Variants in CHD1L observed in about 807,000 individuals in gnomAD.
CHD1L encodes chromodomain helicase DNA binding protein 1 like.
CHD1L carries 118 observed loss-of-function variants against 115.9 expected under a neutral mutation model. The ratio of observed to expected loss-of-function variants is 1.02; its 90% confidence interval spans 0.88 to 1.19. The LOEUF is 1.19. CHD1L is among the 50% of genes most tolerant of loss of function. The probability of loss-of-function intolerance (pLI) is 0.00; values close to 1 mark genes in which losing one functional copy is unlikely to be tolerated. For synonymous variants in CHD1L, 411 were observed against 387.1 expected (o/e 1.06, Z -0.72); for missense variants, 1,179 against 1,065.3 (o/e 1.11, Z -1.49).
At chr1:147,268,124 C>T (rs1674673835) in intron 9 of CHD1L, among the ~76,000 whole-genome samples, 1 of 152,312 alleles carries the variant, frequency 6.6e-6, no homozygotes, top group African/African-American at 2.4e-5. Flanking sequence ...CCATCTGCTC[C>T]TTCTCAGTCT....
chr1:147,213,616 T>A, the CHD1L span: 13 of 647,088 alleles, frequency 2.0e-5, no homozygotes, highest in Non-Finnish European at 2.9e-5. Context: ...AAATAAGAAC[T>A]GTTTGGGGCT....
chr1:147,279,641 T>G (rs1251564767), intron 14 of CHD1L, among the ~76,000 whole-genome samples: 1 of 151,982 alleles, frequency 6.6e-6, no homozygotes, highest in Non-Finnish European at 1.5e-5. Context: ...AGTGGAGAGG[T>G]TGGAAAGTAG....
At chr1:147,212,702 T>A in the CHD1L span, among the ~76,000 whole-genome samples, 2 of 152,188 alleles carry the variant, frequency 1.3e-5, no homozygotes, top group Admixed American at 1.3e-4. Flanking sequence ...TATTTTCTTT[T>A]CCCATAGCCT....
the CHD1L span, chr1:147,173,500 C>G: frequency 1.3e-5 from 2 of 152,222 alleles, no homozygotes; most frequent in Non-Finnish European, 2.9e-5. Flanking sequence ...TGAGAAACCT[C>G]AGAAGAAATA....
At chr1:147,241,874 A>G (rs1664933825), upstream of CHD1L, among the ~76,000 whole-genome samples, 2 of 152,240 alleles carry the variant, frequency 1.3e-5, no homozygotes, top group Admixed American at 1.3e-4. Context: ...AATTACCATT[A>G]CAAGTCCCAA....
At chr1:147,281,418 A>G (rs3753433) in intron 15 of CHD1L, among the ~76,000 whole-genome samples, 103,177 of 151,950 alleles carry the variant, frequency 0.68, 35,115 homozygotes, top group African/African-American at 0.7. Context: ...GAAGTGTGTA[A>G]TATTTTCTGA....
chr1:147,281,843 A>G lies in CHD1L; in HGVS notation c.1705+1652A>G, dbSNP rs76338287. Among the ~76,000 whole-genome samples the G allele has an allele frequency of 5.9e-3, 902 of 152,162 alleles. 10 individuals carry two copies. The highest frequency in any genetic ancestry group is 0.021 in the African/African-American group (863 of 41,530). ...TATTGAAATTGGCAGATAAAATTGT[A>G]TTTATCATGTACAACATGATTTCTT... On this transcript the variant is annotated intron_variant, in intron 15 of 22. Transcript: ENST00000369258.
At chr1:147,203,239 T>C in the CHD1L span, 6 of 1,121,810 alleles carry the variant, frequency 5.3e-6, no homozygotes, top group African/African-American at 6.2e-5. Flanking sequence ...CTACTACAAA[T>C]ACAGCCTTCA....
At chr1:147,194,441 T>A in the CHD1L span, among the ~76,000 whole-genome samples, 2 of 152,290 alleles carry the variant, frequency 1.3e-5, no homozygotes, top group African/African-American at 2.4e-5. Context: ...AGCACACTGT[T>A]GGGTCTTGAC....
the CHD1L span, among the ~76,000 whole-genome samples, chr1:147,234,023 C>A: frequency 6.6e-6 from 1 of 152,146 alleles, no homozygotes; most frequent in African/African-American, 2.4e-5. Context: ...ATCTGCTGAC[C>A]TTCCCTCTAC....
the CHD1L span, chr1:147,210,951 C>G: frequency 6.6e-6 from 1 of 152,106 alleles, no homozygotes; most frequent in Non-Finnish European, 1.5e-5. Flanking sequence ...CGAAAAACTT[C>G]CATGATATAC....
At chr1:147,274,874 C>A (rs1457345482) in intron 12 of CHD1L, among the ~76,000 whole-genome samples, 2 of 152,138 alleles carry the variant, frequency 1.3e-5, no homozygotes, top group Non-Finnish European at 2.9e-5. Flanking sequence ...ATCATCCACT[C>A]TTCTCATTAA....
chr1:147,204,159 T>C, the CHD1L span: 1 of 1,167,606 alleles, frequency 8.6e-7, no homozygotes, highest in Non-Finnish European at 1.3e-6. Flanking sequence ...TCAGTCTTTA[T>C]CAACACTGTT....
chr1:147,219,840 C>CTTTTTTTT, the CHD1L span, among the ~76,000 whole-genome samples: 1 of 132,898 alleles, frequency 7.5e-6, no homozygotes, highest in Non-Finnish European at 1.6e-5. Flanking sequence ...ATGTTAATTG[C>CTTTTTTTT]TTTTTTTTTT....
At chr1:147,205,738 T>G in the CHD1L span, among the ~76,000 whole-genome samples, 2 of 152,216 alleles carry the variant, frequency 1.3e-5, no homozygotes, top group African/African-American at 4.8e-5. Context: ...ACTTGATCCC[T>G]TCCTTACACC....
chr1:147,280,022 CAAGTT>C lies in CHD1L; in HGVS notation c.1540-3_1541del. 1 of 1,613,564 alleles carries C rather than the reference CAAGTT, an allele frequency of 6.2e-7. No homozygotes were observed. Among genetic ancestry groups the C allele is most frequent in the South Asian group, 1.1e-5 (1 of 91,042 alleles). ...GCTGGACTTTTTTGTTTCCTCTATT[CAAGTT>C]GAGTGAGATACTCAAATTTGGTTTG... On this transcript the variant is annotated splice_acceptor_variant and splice_polypyrimidine_tract_variant and coding_sequence_variant and intron_variant, in exon 15 of 23. Coordinates refer to ENST00000369258, the MANE Select transcript of CHD1L (RefSeq NM_004284.6). LOFTEE classifies it high-confidence loss of function.
intron 10 of CHD1L, among the ~76,000 whole-genome samples, chr1:147,269,634 A>T (rs1553951340): frequency 7.6e-6 from 1 of 132,396 alleles, no homozygotes; most frequent in Non-Finnish European, 1.5e-5. Flanking sequence ...ATGCCACTGC[A>T]CTCCAGCCTG....
At position 147,284,358 on chromosome 1, in the gene CHD1L, T is replaced by C. The variant is rs1553963820; in HGVS notation, c.1713T>C (p.His571=). 6.4e-7 allele frequency: 1 copy of C among 1,569,138 alleles called. No individual in the cohort carries two copies. The highest frequency in any genetic ancestry group is 8.6e-7 in the Non-Finnish European group (1 of 1,156,670). Residue 571 remains histidine, a synonymous_variant, in exon 16 of 23, where the codon CAT becomes CAC. Coordinates refer to ENST00000369258, the MANE Select transcript of CHD1L (RefSeq NM_004284.6). ...TGTGTTTTATGTTGTTAGAAAATCA[T>C]ATGTACTTATTTGAAGGTAAAGATT... ...GSRDQEEGKN[H]MYLFEGKDYS...
chr1:147,255,023 A>AT (rs781956895), intron 3 of CHD1L, 47 bp downstream of exon 3: 48 of 1,382,022 alleles, frequency 3.5e-5, no homozygotes, highest in Admixed American at 7.2e-5. Flanking sequence ...CTTGATTAAG[A>AT]TTTTTTTTCT....
Sources: gnomAD v4.1 joint callset for allele counts (sites outside exome capture counted in the v4.1 genomes callset) on GRCh38, gnomAD v4.1.1 for gene constraint, MANE v1.5 for transcripts, NCBI Gene and HGNC (gene_info 2026-07-23, HGNC 2026-07-21) for gene names.